The following CACNA1D variants were observed in gnomAD, a reference collection of about 807,000 sequenced individuals.
CACNA1D encodes calcium voltage-gated channel subunit alpha1 D, also known as voltage-dependent L-type calcium channel subunit alpha-1D.
CACNA1D carries 55 observed loss-of-function variants against 257.1 expected under a neutral mutation model. The ratio of observed to expected loss-of-function variants is 0.21; its 90% CI spans 0.17 to 0.27. The LOEUF (loss-of-function observed/expected upper bound fraction) is 0.27. CACNA1D is among the 10% of genes least tolerant of loss of function. The pLI is 1.00. For synonymous variants in CACNA1D, 980 were observed against 1,014.9 expected (o/e 0.97, Z 0.65); for missense variants, 1,876 against 2,784.0 (o/e 0.67, Z 7.34).
At chr3:53,580,391 A>G (rs1423104565) in intron 3 of CACNA1D, among the ~76,000 whole-genome samples, 3 of 152,208 alleles carry the variant, frequency 2.0e-5, no homozygotes, top group East Asian at 3.8e-4. Flanking sequence ...GTCTTTTACA[A>G]TGTTTAGCAC....
At chr3:53,529,127 T>C (rs1383795039) in intron 3 of CACNA1D, among the ~76,000 whole-genome samples, 1 of 152,210 alleles carries the variant, frequency 6.6e-6, no homozygotes, top group Non-Finnish European at 1.5e-5. Flanking sequence ...CATCACTGAG[T>C]ACAGTGTTAG....
chr3:53,603,500 C>T (rs1461287431), intron 3 of CACNA1D, among the ~76,000 whole-genome samples: 1 of 152,122 alleles, frequency 6.6e-6, no homozygotes, highest in Admixed American at 6.5e-5. Flanking sequence ...TAGAACAGTT[C>T]CTGGGACCTA....
intron 3 of CACNA1D, among the ~76,000 whole-genome samples, chr3:53,508,553 G>T (rs535108780): frequency 1.6e-4 from 25 of 152,184 alleles, no homozygotes; most frequent in African/African-American, 5.5e-4. Flanking sequence ...TTTAGCTCCC[G>T]CTTATAAGTG....
chr3:53,558,674 T>C (rs2092686840), intron 3 of CACNA1D, among the ~76,000 whole-genome samples: 4 of 152,330 alleles, frequency 2.6e-5, no homozygotes, highest in Middle Eastern at 3.4e-3. Flanking sequence ...TTCAGCACTT[T>C]ATCAGAATTG....
chr3:53,755,328 T>TGTGTCA (rs1303912876), intron 29 of CACNA1D, among the ~76,000 whole-genome samples: 2 of 151,642 alleles, frequency 1.3e-5, no homozygotes, highest in South Asian at 4.2e-4. Flanking sequence ...TGTATGTGTG[T>TGTGTCA]GTGTCAGTGT....
intron 34 of CACNA1D, among the ~76,000 whole-genome samples, chr3:53,775,087 T>G (rs535389169): frequency 6.6e-6 from 1 of 152,340 alleles, no homozygotes; most frequent in East Asian, 1.9e-4. Flanking sequence ...TTTCAAATTT[T>G]TTGGGATTGC....
intron 39 of CACNA1D, among the ~76,000 whole-genome samples, chr3:53,784,235 T>C (rs1180720161): frequency 6.6e-6 from 1 of 152,212 alleles, no homozygotes; most frequent in Non-Finnish European, 1.5e-5. Context: ...CCGTGCCATC[T>C]TGTGGGTCCT....
chr3:53,670,191 G>C (rs1419720433), intron 7 of CACNA1D, among the ~76,000 whole-genome samples: 3 of 152,164 alleles, frequency 2.0e-5, no homozygotes, highest in African/African-American at 7.2e-5. Context: ...AAATCTCTCT[G>C]TAACCAGCCG....
chr3:53,740,197 A>T (rs2095102361), intron 20 of CACNA1D, 83 bp from the exon 21 acceptor site: 1 of 982,984 alleles, frequency 1.0e-6, no homozygotes, highest in Admixed American at 1.7e-5. Flanking sequence ...CTCTGACTGG[A>T]TCGGGGGTTT....
intron 7 of CACNA1D, among the ~76,000 whole-genome samples, chr3:53,670,376 G>T (rs2094310984): frequency 1.3e-5 from 2 of 152,152 alleles, no homozygotes; most frequent in East Asian, 3.9e-4. Flanking sequence ...ACGGAGTTTT[G>T]CTCTGTTGCC....
chr3:53,509,275 C>T (rs1410968695), intron 3 of CACNA1D, among the ~76,000 whole-genome samples: 1 of 144,658 alleles, frequency 6.9e-6, no homozygotes, highest in East Asian at 2.1e-4. Flanking sequence ...CTCCACAGCC[C>T]CCTCTGTGTG....
intron 25 of CACNA1D, 33 bp from the exon 26 acceptor site, chr3:53,747,269 A>C (rs1435512934): frequency 6.2e-7 from 1 of 1,607,644 alleles, no homozygotes; most frequent in African/African-American, 1.3e-5. Context: ...TCATGTGTGA[A>C]GCCAGACGAC....
chr3:53,641,790 T>C (rs188554167), intron 3 of CACNA1D, among the ~76,000 whole-genome samples: 1 of 152,296 alleles, frequency 6.6e-6, no homozygotes, highest in East Asian at 1.9e-4. Flanking sequence ...AAGCTGAGCC[T>C]AGATGAATTC....
chr3:53,548,958 A>C (rs1452585355), intron 3 of CACNA1D, among the ~76,000 whole-genome samples: 3 of 152,226 alleles, frequency 2.0e-5, no homozygotes, highest in Non-Finnish European at 4.4e-5. Context: ...TGTACTTGTT[A>C]GATATCATTA....
At chr3:53,528,104 C>A (rs1418735445) in intron 3 of CACNA1D, among the ~76,000 whole-genome samples, 2 of 152,130 alleles carry the variant, frequency 1.3e-5, no homozygotes, top group Admixed American at 6.5e-5. Flanking sequence ...AGAAAGATTG[C>A]AAACATGTTT....
At chr3:53,534,746 T>G (rs1051869822) in intron 3 of CACNA1D, among the ~76,000 whole-genome samples, 3 of 152,254 alleles carry the variant, frequency 2.0e-5, no homozygotes, top group African/African-American at 4.8e-5. Context: ...AATCATGAAC[T>G]GTAGTTGGCA....
intron 3 of CACNA1D, among the ~76,000 whole-genome samples, chr3:53,621,153 G>A (rs900054676): frequency 2.6e-5 from 4 of 152,224 alleles, no homozygotes; most frequent in African/African-American, 4.8e-5. Context: ...GAAAAGAACC[G>A]ACTAAGCCAG....
At chr3:53,710,560 T>C (rs909351764) in intron 9 of CACNA1D, 22 of 447,928 alleles carry the variant, frequency 4.9e-5, no homozygotes, top group South Asian at 1.6e-4. Context: ...GTGAAGTGCA[T>C]GTGCCGTGTG....
chr3:53,783,168 C>T (rs2095434979), intron 39 of CACNA1D: 1 of 152,284 alleles, frequency 6.6e-6, no homozygotes, highest in South Asian at 2.1e-4. Flanking sequence ...GCTCCTCCCT[C>T]GCTCCACCTC....
Sources: gnomAD v4.1 joint callset for allele counts (sites outside exome capture counted in the v4.1 genomes callset) on GRCh38, gnomAD v4.1.1 for gene constraint, MANE v1.5 for transcripts, NCBI Gene and HGNC (gene_info 2026-07-23, HGNC 2026-07-21) for gene names.